Variants in OGFOD2 observed in about 807,000 individuals in gnomAD.
OGFOD2 encodes the protein 2-oxoglutarate and iron dependent oxygenase domain containing 2.
Under a neutral mutation model 31.1 loss-of-function variants are expected in OGFOD2, and 34 were observed. The observed-to-expected ratio is 1.09, with a 90% confidence interval of 0.83 to 1.45. The LOEUF (loss-of-function observed/expected upper bound fraction) is 1.45, where lower values mean the gene tolerates loss of function less well. Ranked by LOEUF, OGFOD2 falls within the 40% of genes most tolerant of loss-of-function variation. The pLI is 0.00. For missense variants in OGFOD2, 537 were observed against 433.9 expected, an observed-to-expected ratio of 1.24 and a Z score of -2.11; for synonymous variants, 240 against 192.3, an observed-to-expected ratio of 1.25 and a Z score of -2.05.
Position 122,978,402 on chromosome 12 carries a change from C to T in OGFOD2, c.404-40C>T, listed in dbSNP as rs117772529. 2.2e-4 allele frequency: 358 copies of T among 1,606,188 alleles called. No individual in the cohort carries two copies. In the East Asian group the frequency reaches 5.6e-3, roughly 25 times the overall value. ...CTGAAGCCCAGGCCTGGCCGGCCCA[C>T]GGCCACATTCAGGCCAACAGACCAT... is the stretch of plus-strand genomic sequence containing the variant. On this transcript the variant is annotated intron_variant, in intron 4 of 6. Transcript: ENST00000228922.
At chr12:122,980,036 T>A in exon 7 of OGFOD2, 1 of 499,542 alleles carries the variant, frequency 2.0e-6, no homozygotes. Flanking sequence ...TAAAGTGCTT[T>A]GCAAGATCCC....
upstream of OGFOD2, chr12:122,975,106 A>G (rs1032168518): frequency 7.8e-6 from 4 of 510,314 alleles, no homozygotes; most frequent in Non-Finnish European, 1.4e-5. Flanking sequence ...TTCTCCGCAG[A>G]CCGTTTCCTG....
chr12:122,975,100 C>T (rs2037368738), upstream of OGFOD2: 3 of 512,468 alleles, frequency 5.9e-6, no homozygotes, highest in Non-Finnish European at 1.1e-5. Context: ...GCATCTTTCT[C>T]CGCAGACCGT....
Position 122,978,820 on chromosome 12 carries a change from C to T in OGFOD2, c.599C>T (p.Pro200Leu), listed in dbSNP as rs758902745. The T allele has an allele frequency of 2.8e-5, 45 of 1,612,524 alleles. No individual in the cohort carries two copies. The highest frequency in any genetic ancestry group is 4.0e-5 in the African/African-American group (3 of 74,944). ...CCACTGCGGGAGCGCTTCCTGCAGC[C>T]GCTGATGGCCCTGCTGTACCCTGAC... Residue 200 changes from proline (P) to leucine (L), a missense_variant, in exon 6 of 7, where the codon CCG (proline) becomes CTG (leucine). Physicochemically the swap from Pro to Leu is moderately conservative, Grantham distance 98. Transcript: ENST00000228922.
chr12:122,975,012 G>A (rs1439703849), upstream of OGFOD2: 5 of 408,072 alleles, frequency 1.2e-5, no homozygotes, highest in Non-Finnish European at 1.8e-5. Flanking sequence ...CTGTAAAGTG[G>A]AGCCATTAGT....
At chr12:122,976,227 C>T (rs768725327) in intron 2 of OGFOD2, 14 of 672,028 alleles carry the variant, frequency 2.1e-5, no homozygotes, top group Non-Finnish European at 3.7e-5. Flanking sequence ...CCCTGGGCTC[C>T]TCACACCTTA....
chr12:122,979,745 G>T (rs1273097401), exon 7 of OGFOD2: 2 of 219,094 alleles, frequency 9.1e-6, no homozygotes, highest in South Asian at 1.2e-4. Flanking sequence ...CCAGGGCAGG[G>T]TGCCTTCCAG....
At position 122,976,417 on chromosome 12, in the gene OGFOD2, C is replaced by T. The variant is rs766032391; in HGVS notation, c.190-237C>T. On this transcript the variant is annotated intron_variant, in intron 2 of 6. Transcript: ENST00000228922. ...GATGGTTGAGGTACATCTAGGGGTTCTCATCCCAGCTAGGCTCAGGTTGGG... is the reference window on the plus strand; with the variant it reads ...GATGGTTGAGGTACATCTAGGGGTTTTCATCCCAGCTAGGCTCAGGTTGGG... 4 of 1,613,104 alleles carry T rather than the reference C, an allele frequency of 2.5e-6. No individual in the cohort carries two copies. The African/African-American group carries it at 5.3e-5, about 22-fold the overall frequency.
chr12:122,977,120 G>T, intron 4 of OGFOD2, 150 bp downstream of exon 4: 1 of 715,208 alleles, frequency 1.4e-6, no homozygotes, highest in South Asian at 1.5e-5. Context: ...CAACCTGCCA[G>T]GAGCAGGACA....
chr12:122,978,313 T>TATTC (rs2135956655), intron 4 of OGFOD2, 129 bp from the exon 5 acceptor site: 1 of 1,162,690 alleles, frequency 8.6e-7, no homozygotes, highest in Non-Finnish European at 1.2e-6. Context: ...CTTCCTTAAG[T>TATTC]CATCACAATA....
At chr12:122,979,592 G>A in exon 7 of OGFOD2, 1 of 551,200 alleles carries the variant, frequency 1.8e-6, no homozygotes, top group Non-Finnish European at 3.2e-6. Context: ...CAAGGAAGTG[G>A]CTTCAGAGGA....
chr12:122,976,075 A>G (rs745756485), intron 2 of OGFOD2: 362 of 598,192 alleles, frequency 6.1e-4, no homozygotes, highest in Non-Finnish European at 6.8e-4. Flanking sequence ...TAAGTTGCCT[A>G]GTCATGCCGT....
chr12:122,979,192 G>A (rs200924105), exon 7 of OGFOD2: 202 of 1,612,108 alleles, frequency 1.3e-4, no homozygotes, highest in Middle Eastern at 1.7e-4. Flanking sequence ...ACTGGTGAGC[G>A]TTGGAACCTT....
intron 1 of OGFOD2, 162 bp from the exon 2 acceptor site, chr12:122,975,649 G>A (rs1467773468): frequency 1.6e-6 from 1 of 620,274 alleles, no homozygotes; most frequent in Non-Finnish European, 3.0e-6. Flanking sequence ...CACCAGCCCG[G>A]AGCCCTGTCC....
chr12:122,979,462 G>A, exon 7 of OGFOD2: 1 of 1,291,458 alleles, frequency 7.7e-7, no homozygotes, highest in Non-Finnish European at 1.0e-6. Context: ...CGGTGTGCCA[G>A]CTTCTGGGTC....
At position 122,975,262 on chromosome 12, in the gene OGFOD2, T is replaced by TG; in HGVS notation, c.16dup (p.Ala6GlyfsTer15). ...TGTGGGTGCTTCACTATGGCGACGG[T>TG]GGGGGCTCCGCGGCACTTCTGCCGC... On this transcript the variant is annotated frameshift_variant, in exon 1 of 7. Coordinates refer to ENST00000228922, the Ensembl canonical transcript of OGFOD2. LOFTEE classifies it high-confidence loss of function. 1 of 679,876 alleles carries TG rather than the reference T, an allele frequency of 1.5e-6. No individual in the cohort carries two copies. The highest frequency in any genetic ancestry group is 2.7e-6 in the Non-Finnish European group (1 of 370,662). The allele number at this position is 679,876 out of a possible 1,614,324, so 42.1% of individuals were successfully genotyped here. A position where few individuals can be genotyped will look rare whatever the true frequency, so the allele number is the denominator to read the frequency against.
intron 1 of OGFOD2, 159 bp from the exon 2 acceptor site, chr12:122,975,652 C>T (rs2037397605): frequency 3.2e-6 from 2 of 626,334 alleles, no homozygotes; most frequent in Non-Finnish European, 5.9e-6. Context: ...CAGCCCGGAG[C>T]CCTGTCCTGA....
At chr12:122,975,596 G>A (rs139432868) in intron 1 of OGFOD2, 70 of 597,860 alleles carry the variant, frequency 1.2e-4, no homozygotes, top group Middle Eastern at 7.3e-4. Flanking sequence ...AGCATGTAGG[G>A]TGCTTAGGAC....
exon 7 of OGFOD2, chr12:122,979,132 A>G (rs892473894): frequency 6.2e-7 from 1 of 1,606,150 alleles, no homozygotes; most frequent in Admixed American, 1.7e-5. Flanking sequence ...GTGGTGGGCC[A>G]GGGTGTCCTC....
Sources: gnomAD v4.1 joint callset for allele counts on GRCh38, gnomAD v4.1.1 for gene constraint, MANE v1.5 for transcripts, NCBI Gene and HGNC (gene_info 2026-07-23, HGNC 2026-07-21) for gene names.